RC3H1: variants seen among roughly 807,000 people sequenced by gnomAD.
RC3H1 encodes the protein ring finger and CCCH-type domains 1.
Under a neutral mutation model 138.2 loss-of-function variants are expected in RC3H1, and 50 were observed. The ratio of observed to expected loss-of-function variants is 0.36; its 90% CI spans 0.29 to 0.46. RC3H1 has a LOEUF of 0.46. RC3H1 is among the 20% of genes least tolerant of loss of function. RC3H1 has a pLI of 1.00. For missense variants in RC3H1, 1,031 were observed against 1,388.1 expected (o/e 0.74, Z 4.09); for synonymous variants, 462 against 489.1 (o/e 0.94, Z 0.73).
At chr1:173,999,695 G>A (rs1661529207) in intron 1 of RC3H1, among the ~76,000 whole-genome samples, 1 of 152,202 alleles carries the variant, frequency 6.6e-6, no homozygotes. Context: ...ACTGTGCTAG[G>A]TGTTTTCAGA....
At chr1:174,012,277 G>C (rs763542720) in intron 1 of RC3H1, among the ~76,000 whole-genome samples, 1 of 151,752 alleles carries the variant, frequency 6.6e-6, no homozygotes, top group African/African-American at 2.4e-5. Flanking sequence ...TTTTTGCATC[G>C]AGAGAATCAG....
chr1:173,944,179 A>G (rs1401335803), intron 17 of RC3H1, among the ~76,000 whole-genome samples: 1 of 151,502 alleles, frequency 6.6e-6, no homozygotes, highest in Non-Finnish European at 1.5e-5. Context: ...TCTCTCAAAA[A>G]AAAAAAAAAA....
At chr1:173,963,907 T>G (rs964192054) in intron 11 of RC3H1, 66 bp downstream of exon 11, 1 of 1,333,952 alleles carries the variant, frequency 7.5e-7, no homozygotes, top group Non-Finnish European at 1.1e-6. Flanking sequence ...AAATGATCAC[T>G]CTGACCTGAA....
Position 173,936,762 on chromosome 1 carries a change from T to TAA in RC3H1, c.*1958_*1959insTT, listed in dbSNP as rs1491143489. ...ATATATATATATATATATATATATATTTTTTTTTTTTTTTTTAAAAAAAGA... is the reference window on the plus strand; with the variant it reads ...ATATATATATATATATATATATATATAATTTTTTTTTTTTTTTTAAAAAAAGA... On this transcript the variant is annotated 3_prime_UTR_variant, in exon 20 of 20. Transcript: ENST00000367696. The TAA allele has an allele frequency of 1.4e-4, 2 of 14,276 alleles. No individual in the cohort carries two copies. The highest frequency in any genetic ancestry group is 1.9e-4 in the Non-Finnish European group (2 of 10,412). The allele number at this position is 14,276 out of a possible 1,614,324, so 0.9% of individuals were successfully genotyped here. A position where few individuals can be genotyped will look rare whatever the true frequency, so the allele number is the denominator to read the frequency against.
intron 1 of RC3H1, among the ~76,000 whole-genome samples, chr1:174,007,526 T>C (rs1661676852): frequency 6.6e-6 from 1 of 152,120 alleles, no homozygotes; most frequent in Admixed American, 6.5e-5. Context: ...TGCAGTGGCA[T>C]GATCATGGCT....
At chr1:173,956,985 C>T (rs975340907) in intron 13 of RC3H1, among the ~76,000 whole-genome samples, 1 of 151,982 alleles carries the variant, frequency 6.6e-6, no homozygotes, top group African/African-American at 2.4e-5. Context: ...GCGATCTCGG[C>T]TCACTGCAAC....
intron 13 of RC3H1, among the ~76,000 whole-genome samples, chr1:173,958,426 T>C (rs969903055): frequency 6.6e-6 from 1 of 151,852 alleles, no homozygotes; most frequent in African/African-American, 2.4e-5. Context: ...ATGCCTATAA[T>C]ACCAGTTACT....
At chr1:173,979,904 C>A (rs141274228) in intron 6 of RC3H1, among the ~76,000 whole-genome samples, 6 of 152,010 alleles carry the variant, frequency 3.9e-5, no homozygotes, top group Non-Finnish European at 7.4e-5. Flanking sequence ...TTTTATCCCC[C>A]CTAAAGAGAC....
intron 13 of RC3H1, among the ~76,000 whole-genome samples, chr1:173,954,296 A>C (rs895903460): frequency 6.6e-6 from 1 of 152,248 alleles, no homozygotes; most frequent in African/African-American, 2.4e-5. Flanking sequence ...CCTAGAGGAC[A>C]TCACATTAAG....
intron 6 of RC3H1, among the ~76,000 whole-genome samples, chr1:173,980,344 TTC>T (rs1660763500): frequency 6.6e-6 from 1 of 151,886 alleles, no homozygotes; most frequent in Non-Finnish European, 1.5e-5. Context: ...TCAAATCCAC[TTC>T]TGTCATTTAT....
intron 1 of RC3H1, among the ~76,000 whole-genome samples, chr1:173,995,920 G>T (rs1006797508): frequency 1.3e-5 from 2 of 152,142 alleles, no homozygotes; most frequent in Admixed American, 6.5e-5. Context: ...CTTTACCAAG[G>T]TATTTATAAT....
chr1:173,967,701 G>A (rs1373101269), intron 9 of RC3H1, among the ~76,000 whole-genome samples: 1 of 152,102 alleles, frequency 6.6e-6, no homozygotes, highest in African/African-American at 2.4e-5. Context: ...CTCATTTTAT[G>A]TTAGGATATC....
chr1:173,961,680 C>A, intron 12 of RC3H1, 45 bp downstream of exon 12: 1 of 1,539,672 alleles, frequency 6.5e-7, no homozygotes, highest in Non-Finnish European at 8.8e-7. Flanking sequence ...TCACAGCAAG[C>A]AACAGTCAAA....
rs1192860074 is a variant in RC3H1 at position 173,936,749 on chromosome 1, ATATATATATATATTT to A, written c.*1957_*1971del. 2,246 of 55,742 alleles carry A rather than the reference ATATATATATATATTT, an allele frequency of 0.04. 42 individuals are homozygous for A. The highest frequency in any genetic ancestry group is 0.051 in the African/African-American group (420 of 8,214). 3.5% of individuals were successfully genotyped at this position (55,742 alleles called of 1,614,324 possible). A position where few individuals can be genotyped will look rare whatever the true frequency, so the allele number is the denominator to read the frequency against. ...AGCATACATATATATATATATATAT[ATATATATATATATTT>A]TTTTTTTTTTTTTTAAAAAAAGAAG... On this transcript the variant is annotated 3_prime_UTR_variant, in exon 20 of 20. Transcript: ENST00000367696.
At chr1:174,002,312 C>T (rs1420577916) in intron 1 of RC3H1, among the ~76,000 whole-genome samples, 1 of 152,122 alleles carries the variant, frequency 6.6e-6, no homozygotes, top group African/African-American at 2.4e-5. Context: ...ATCTGACTGG[C>T]AAATAATCAT....
At chr1:174,014,637 T>TA (rs1230785381) in intron 1 of RC3H1, among the ~76,000 whole-genome samples, 1 of 152,220 alleles carries the variant, frequency 6.6e-6, no homozygotes, top group Non-Finnish European at 1.5e-5. Context: ...TAATTTTTGT[T>TA]AAACAGAATT....
rs536939799 is a variant in RC3H1, at chr1:173,931,506, A to C, written c.*7215T>G. On this transcript the variant is annotated 3_prime_UTR_variant, in exon 20 of 20. Coordinates refer to ENST00000367696, the MANE Select transcript of RC3H1 (RefSeq NM_172071.4). ...AAAGATGGCCCTAGTACTCTCAAAA[A>C]TCGGCAACAAGTGGGAACATGTACT... The C allele has an allele frequency of 2.0e-5, 3 of 152,310 alleles. No homozygotes were observed. Among genetic ancestry groups the C allele is most frequent in the African/African-American group, 7.2e-5 (3 of 41,558 alleles). The allele number at this position is 152,310 out of a possible 1,614,324, so 9.4% of individuals were successfully genotyped here.
chr1:173,993,139 A>T lies in RC3H1; in HGVS notation c.-150-4T>A, dbSNP rs1461331213. 5 of 600,592 alleles carry T rather than the reference A, an allele frequency of 8.3e-6. No individual in the cohort carries two copies. Among genetic ancestry groups the T allele is most frequent in the Non-Finnish European group, 1.5e-5 (5 of 342,538 alleles). 37.2% of individuals were successfully genotyped at this position (600,592 alleles called of 1,614,324 possible). ...AGCACATAGTGTGAAATATAACCTG[A>T]AAATAAAGAAAAAGGAAAAAAATTG... On this transcript the variant is annotated splice_region_variant and splice_polypyrimidine_tract_variant and intron_variant, in intron 1 of 19. Coordinates refer to ENST00000367696, the MANE Select transcript of RC3H1 (RefSeq NM_172071.4).
At chr1:174,019,417 T>C (rs1661918532) in intron 1 of RC3H1, among the ~76,000 whole-genome samples, 2 of 152,210 alleles carry the variant, frequency 1.3e-5, no homozygotes, top group South Asian at 4.1e-4. Flanking sequence ...CTGAGTAAGC[T>C]CTTTTACCTA....
Sources: allele counts gnomAD v4.1 joint callset (sites outside exome capture counted in the v4.1 genomes callset), GRCh38; gene constraint gnomAD v4.1.1; transcripts MANE v1.5; gene names NCBI Gene and HGNC (gene_info 2026-07-23, HGNC 2026-07-21).